PLAAT4: variants seen among roughly 807,000 people sequenced by gnomAD.
PLAAT4 encodes HRAS-like suppressor 4.
In PLAAT4, 12 loss-of-function variants were observed where a neutral mutation model predicts 14.1. That is an observed-to-expected ratio of 0.85 (90% CI 0.54 to 1.37). The LOEUF (loss-of-function observed/expected upper bound fraction) is 1.37. Ranked by LOEUF, PLAAT4 falls within the 40% of genes most tolerant of loss-of-function variation. The pLI, the probability that PLAAT4 is intolerant of heterozygous loss-of-function variation, is 0.00. For missense variants in PLAAT4, 163 were observed against 211.7 expected (o/e 0.77, Z 1.43); for synonymous variants, 77 against 79.8 (o/e 0.96, Z 0.19).
intron 2 of PLAAT4, among the ~76,000 whole-genome samples, chr11:63,541,527 CT>C (rs36001314): frequency 0.17 from 23,485 of 134,774 alleles, 1,999 homozygotes; most frequent in South Asian, 0.22. Context: ...TCTCTCTTTC[CT>C]TTTTTTTTTT....
At chr11:63,537,600 C>A (rs137871498) in intron 1 of PLAAT4, among the ~76,000 whole-genome samples, 4 of 152,310 alleles carry the variant, frequency 2.6e-5, no homozygotes, top group African/African-American at 9.6e-5. Context: ...TAACAGGGAG[C>A]CCAGGCCAAA....
chr11:63,539,689 C>G, intron 2 of PLAAT4, 65 bp downstream of exon 2: 1 of 1,289,750 alleles, frequency 7.8e-7, no homozygotes, highest in Non-Finnish European at 1.1e-6. Context: ...GGGCCGGGCA[C>G]GGTGGCTCAT....
chr11:63,545,668 CCCAGGG>C (rs763348321), intron 3 of PLAAT4, among the ~76,000 whole-genome samples: 10 of 151,948 alleles, frequency 6.6e-5, no homozygotes, highest in Non-Finnish European at 8.8e-5. Context: ...ACACAGTGAC[CCCAGGG>C]CACGCATATG....
chr11:63,544,334 G>A (rs1287124328), intron 2 of PLAAT4, among the ~76,000 whole-genome samples: 4 of 152,116 alleles, frequency 2.6e-5, no homozygotes, highest in African/African-American at 7.2e-5. Context: ...AAATCTATTA[G>A]CCCGGCGTGG....
chr11:63,544,318 A>G (rs888092920), intron 2 of PLAAT4, among the ~76,000 whole-genome samples: 1 of 152,106 alleles, frequency 6.6e-6, no homozygotes, highest in African/African-American at 2.4e-5. Flanking sequence ...TTAAAAAAAG[A>G]GAGCAAAATC....
intron 1 of PLAAT4, among the ~76,000 whole-genome samples, chr11:63,537,436 G>A (rs917837277): frequency 6.6e-6 from 1 of 152,132 alleles, no homozygotes; most frequent in Non-Finnish European, 1.5e-5. Context: ...GCTCGGTGGT[G>A]TGTGACTAAA....
chr11:63,537,537 ACCAC>A (rs1300110077), intron 1 of PLAAT4, among the ~76,000 whole-genome samples: 1 of 152,120 alleles, frequency 6.6e-6, no homozygotes, highest in African/African-American at 2.4e-5. Flanking sequence ...CTCCAACAGC[ACCAC>A]CTGATCCTGG....
intron 2 of PLAAT4, 129 bp from the exon 3 acceptor site, chr11:63,544,492 A>T: frequency 7.9e-7 from 1 of 1,270,456 alleles, no homozygotes. Context: ...TAAAAAAAAA[A>T]AGCAAAATCT....
At chr11:63,536,958 T>C in intron 1 of PLAAT4, 81 bp downstream of exon 1, 1 of 1,516,666 alleles carries the variant, frequency 6.6e-7, no homozygotes, top group Non-Finnish European at 8.9e-7. Flanking sequence ...TCCAGGCTCC[T>C]GGCCTTGGGC....
chr11:63,536,912 C>G lies in PLAAT4; in HGVS notation c.9+35C>G, dbSNP rs772229596. 5.6e-6 allele frequency: 9 copies of G among 1,605,058 alleles called. No individual in the cohort carries two copies. In the African/African-American group the frequency reaches 6.7e-5, roughly 12 times the overall value. On this transcript the variant is annotated intron_variant, in intron 1 of 3. Coordinates refer to ENST00000255688, the MANE Select transcript of PLAAT4 (RefSeq NM_004585.5). ...CCAGGGCTTTGCATTACTGACTCTACAGCAGTTGGGCAGCTCCCCCTAGGA... is the reference window on the plus strand; with the variant it reads ...CCAGGGCTTTGCATTACTGACTCTAGAGCAGTTGGGCAGCTCCCCCTAGGA...
At chr11:63,542,250 A>AT (rs1028147366) in intron 2 of PLAAT4, among the ~76,000 whole-genome samples, 1 of 151,960 alleles carries the variant, frequency 6.6e-6, no homozygotes, top group East Asian at 1.9e-4. Flanking sequence ...GGATGGGGTG[A>AT]TTTTTTTTCT....
intron 3 of PLAAT4, among the ~76,000 whole-genome samples, chr11:63,545,844 A>G (rs1487185420): frequency 1.3e-5 from 2 of 152,128 alleles, no homozygotes; most frequent in Non-Finnish European, 2.9e-5. Flanking sequence ...GCCCCAAATC[A>G]GAACAAATGT....
chr11:63,540,386 AT>A (rs1246262896), intron 2 of PLAAT4, among the ~76,000 whole-genome samples: 2 of 152,222 alleles, frequency 1.3e-5, no homozygotes, highest in Non-Finnish European at 2.9e-5. Flanking sequence ...AGGTTTATAC[AT>A]TTTTTTAAAA....
intron 1 of PLAAT4, among the ~76,000 whole-genome samples, chr11:63,538,169 G>A (rs1565235158): frequency 6.6e-6 from 1 of 152,124 alleles, no homozygotes; most frequent in Non-Finnish European, 1.5e-5. Flanking sequence ...TCACTCAGTG[G>A]GCCTGTGGGT....
In PLAAT4 at chr11:63,546,283, G is replaced by A. The variant is rs1198248180; in HGVS notation, c.*27G>A. On this transcript the variant is annotated 3_prime_UTR_variant, in exon 4 of 4. Transcript: ENST00000255688. ...GCAGCCACAAAATCCTGTGTTAGAA[G>A]CAGCTGTGGGGGTCCCAGTGGAGAT... is the stretch of plus-strand genomic sequence containing the variant. 1.2e-6 allele frequency: 2 copies of A among 1,605,384 alleles called. No individual in the cohort carries two copies. The highest frequency in any genetic ancestry group is 2.7e-5 in the African/African-American group (2 of 74,694).
chr11:63,545,317 A>G, intron 3 of PLAAT4: 1 of 334,154 alleles, frequency 3.0e-6, no homozygotes, highest in Non-Finnish European at 5.5e-6. Flanking sequence ...ATCTGGGCAC[A>G]GCCTCCATCC....
intron 1 of PLAAT4, among the ~76,000 whole-genome samples, chr11:63,537,280 G>A (rs1180014194): frequency 1.3e-5 from 2 of 152,138 alleles, no homozygotes; most frequent in Admixed American, 6.5e-5. Context: ...GGCCCCAAAC[G>A]ATGCTTTCTC....
chr11:63,542,614 C>T (rs750297831), intron 2 of PLAAT4, among the ~76,000 whole-genome samples: 2 of 152,086 alleles, frequency 1.3e-5, no homozygotes, highest in Non-Finnish European at 2.9e-5. Context: ...ATTTGGCTTC[C>T]GTCTTTGGTG....
chr11:63,540,507 A>T (rs1193153468), intron 2 of PLAAT4, among the ~76,000 whole-genome samples: 2 of 149,848 alleles, frequency 1.3e-5, no homozygotes, highest in East Asian at 4.4e-4. Flanking sequence ...AAACGTATGT[A>T]TGGATAGCCA....
Sources: allele counts gnomAD v4.1 joint callset (sites outside exome capture counted in the v4.1 genomes callset), GRCh38; gene constraint gnomAD v4.1.1; transcripts MANE v1.5; gene names NCBI Gene and HGNC (gene_info 2026-07-23, HGNC 2026-07-21).